The following BRI3BP variants were observed in gnomAD, a reference collection of about 807,000 sequenced individuals.
BRI3BP encodes BRI3-binding protein.
In BRI3BP, 7 loss-of-function variants were observed where a neutral mutation model predicts 15.8. That is an observed-to-expected ratio of 0.44 (90% CI 0.25 to 0.83). BRI3BP has a LOEUF of 0.83. Ranked by LOEUF, BRI3BP falls within the 40% of genes least tolerant of loss-of-function variation. The probability of loss-of-function intolerance (pLI) is 0.20; values close to 1 mark genes in which losing one functional copy is unlikely to be tolerated. For missense variants in BRI3BP, 320 were observed against 339.3 expected (o/e 0.94, Z 0.45); for synonymous variants, 192 against 163.5 (o/e 1.17, Z -1.33).
At chr12:125,041,059 T>G in the BRI3BP span, among the ~76,000 whole-genome samples, 1 of 150,570 alleles carries the variant, frequency 6.6e-6, no homozygotes, top group African/African-American at 2.4e-5. Context: ...TTTTTATTTT[T>G]TTTTGAGACG....
In BRI3BP at chr12:125,025,587, A is replaced by G; in HGVS notation, c.*157A>G. 1 of 722,564 alleles carries G rather than the reference A, an allele frequency of 1.4e-6. No individual in the cohort carries two copies. Among genetic ancestry groups the G allele is most frequent in the Non-Finnish European group, 2.2e-6 (1 of 456,444 alleles). 44.8% of individuals were successfully genotyped at this position (722,564 alleles called of 1,614,324 possible). A position where few individuals can be genotyped will look rare whatever the true frequency, so the allele number is the denominator to read the frequency against. On this transcript the variant is annotated 3_prime_UTR_variant, in exon 3 of 3. Coordinates refer to ENST00000341446, the MANE Select transcript of BRI3BP (RefSeq NM_080626.6). ...TATTTCCACCCACCCGGCAGCTCTT[A>G]GGACACATTCCCAGAAGAGCGGAAA...
intron 2 of BRI3BP, 23 bp downstream of exon 2, chr12:125,012,659 C>T (rs768356945): frequency 1.3e-4 from 202 of 1,525,754 alleles, no homozygotes; most frequent in Non-Finnish European, 1.8e-4. Context: ...GTGGCATTCA[C>T]GTAAGGTGTC....
At chr12:124,998,621 G>C (rs4765014) in intron 1 of BRI3BP, among the ~76,000 whole-genome samples, 119,481 of 151,998 alleles carry the variant, frequency 0.79, 47,519 homozygotes, top group East Asian at 1. Context: ...GAGCAATGGG[G>C]GAATTACTGC....
At chr12:124,995,367 G>C (rs531000455) in intron 1 of BRI3BP, among the ~76,000 whole-genome samples, 1 of 152,208 alleles carries the variant, frequency 6.6e-6, no homozygotes, top group Non-Finnish European at 1.5e-5. Flanking sequence ...TCTTGATGCC[G>C]TTTCGGAGCT....
the BRI3BP span, among the ~76,000 whole-genome samples, chr12:125,046,576 A>AG: frequency 1.3e-5 from 2 of 152,140 alleles, no homozygotes; most frequent in African/African-American, 2.4e-5. Context: ...GAAAAAAAAA[A>AG]TGTTTAAAAG....
At position 125,025,739 on chromosome 12, in the gene BRI3BP, A is replaced by AT. The variant is rs1312649776; in HGVS notation, c.*315dup. 5 of 257,164 alleles carry AT rather than the reference A, an allele frequency of 1.9e-5. No homozygotes were observed. In the East Asian group the frequency reaches 2.9e-4, roughly 15 times the overall value. 15.9% of individuals were successfully genotyped at this position (257,164 alleles called of 1,614,324 possible). Reference sequence around the variant, plus strand: ...TATCTGTGCATAGAGCATAAAGTTAATTTTTTCAAGCATTTAAATACATCT... The same window carrying AT: ...TATCTGTGCATAGAGCATAAAGTTAATTTTTTTCAAGCATTTAAATACATCT... On this transcript the variant is annotated 3_prime_UTR_variant, in exon 3 of 3. Coordinates refer to ENST00000341446, the MANE Select transcript of BRI3BP (RefSeq NM_080626.6).
intron 1 of BRI3BP, among the ~76,000 whole-genome samples, chr12:125,003,991 ACACACACACAC>A (rs752807850): frequency 0.089 from 6,584 of 74,256 alleles, 436 homozygotes; most frequent in African/African-American, 0.23. Context: ...ACACACACAC[ACACACACACAC>A]AACACACAAT....
At chr12:125,036,073 TG>T (rs201467897), downstream of BRI3BP, among the ~76,000 whole-genome samples, 3 of 5,384 alleles carry the variant, frequency 5.6e-4, no homozygotes, top group African/African-American at 6.3e-4. Context: ...TTTTGTTTTT[TG>T]TTTTTTTTTG....
rs1955337558 is a variant in BRI3BP, at chr12:125,025,018, C to T, written c.344C>T (p.Pro115Leu). ...DVSNLSQYFS[P>L]ASVSSSPARA... ...TCCAACCTGTCCCAGTATTTCAGCC[C>T]AGCCTCGGTGTCCAGCAGCCCGGCC... The change falls in exon 3 of 3, where the codon CCA becomes CTA. Residue 115 changes from proline to leucine, a missense_variant. Pro to Leu is a moderately conservative substitution (Grantham distance 98). Coordinates refer to ENST00000341446, the MANE Select transcript of BRI3BP (RefSeq NM_080626.6). 6.2e-7 allele frequency: 1 copy of T among 1,613,052 alleles called. No homozygotes were observed. Among genetic ancestry groups the T allele is most frequent in the South Asian group, 1.1e-5 (1 of 91,058 alleles).
the BRI3BP span, among the ~76,000 whole-genome samples, chr12:125,045,223 GC>G: frequency 6.6e-6 from 1 of 152,162 alleles, no homozygotes; most frequent in Non-Finnish European, 1.5e-5. Context: ...TGTAAAACTG[GC>G]ATCTAAGGGT....
intron 1 of BRI3BP, among the ~76,000 whole-genome samples, chr12:125,006,221 C>T (rs1371011780): frequency 6.6e-6 from 1 of 152,144 alleles, no homozygotes; most frequent in Non-Finnish European, 1.5e-5. Context: ...TTTTGGGGGA[C>T]AGAGTTCAGC....
intron 2 of BRI3BP, among the ~76,000 whole-genome samples, chr12:125,022,541 A>ATTTATTTTTTTATTTTTTTT: frequency 2.9e-5 from 4 of 139,404 alleles, no homozygotes; most frequent in African/African-American, 1.2e-4. Context: ...TTATTTATTT[A>ATTTATTTTTTTATTTTTTTT]TTTTTTGAGA....
chr12:125,000,308 A>ATT (rs35803183), intron 1 of BRI3BP, among the ~76,000 whole-genome samples: 95 of 92,038 alleles, frequency 1.0e-3, no homozygotes, highest in African/African-American at 1.9e-3. Flanking sequence ...GTTTCATATG[A>ATT]TTTTTTTTTT....
At chr12:125,017,097 G>A (rs1422443065) in intron 2 of BRI3BP, among the ~76,000 whole-genome samples, 1 of 150,726 alleles carries the variant, frequency 6.6e-6, no homozygotes, top group Non-Finnish European at 1.5e-5. Context: ...TCTCACCACT[G>A]CAACCTCCAC....
At chr12:125,049,153 G>A in the BRI3BP span, among the ~76,000 whole-genome samples, 1 of 152,016 alleles carries the variant, frequency 6.6e-6, no homozygotes, top group East Asian at 1.9e-4. Context: ...AGTAAAGACG[G>A]GATTTCACCG....
the BRI3BP span, among the ~76,000 whole-genome samples, chr12:125,036,962 T>C: frequency 1.3e-5 from 2 of 152,214 alleles, no homozygotes; most frequent in Non-Finnish European, 2.9e-5. Context: ...TCCAGAACTG[T>C]GTGAAATAAA....
At chr12:125,022,542 T>TTTATTTATTTATTTATTTA (rs1365933341) in intron 2 of BRI3BP, among the ~76,000 whole-genome samples, 9 of 53,462 alleles carry the variant, frequency 1.7e-4, no homozygotes, top group African/African-American at 8.9e-4. Flanking sequence ...TATTTATTTA[T>TTTATTTATTTATTTATTTA]TTTTTGAGAC....
chr12:125,037,110 A>G, the BRI3BP span, among the ~76,000 whole-genome samples: 2 of 152,246 alleles, frequency 1.3e-5, no homozygotes, highest in Non-Finnish European at 1.5e-5. Flanking sequence ...CCCAGGCTGG[A>G]GTGCAATGGC....
chr12:125,005,106 C>T (rs1258998349), intron 1 of BRI3BP, among the ~76,000 whole-genome samples: 1 of 152,090 alleles, frequency 6.6e-6, no homozygotes, highest in African/African-American at 2.4e-5. Flanking sequence ...CCATGGCCTC[C>T]CAAAATGCTG....
Sources: allele counts gnomAD v4.1 joint callset (sites outside exome capture counted in the v4.1 genomes callset), GRCh38; gene constraint gnomAD v4.1.1; transcripts MANE v1.5; gene names NCBI Gene and HGNC (gene_info 2026-07-23, HGNC 2026-07-21).